Variants in ZNF385D observed in about 807,000 individuals in gnomAD.
ZNF385D encodes zinc finger protein 385D, also known as zinc finger protein 659.
ZNF385D carries 15 observed loss-of-function variants against 35.8 expected under a neutral mutation model. The observed-to-expected ratio is 0.42, with a 90% CI of 0.28 to 0.64. The LOEUF (loss-of-function observed/expected upper bound fraction) is 0.64, where lower values mean the gene tolerates loss of function less well. Ranked by LOEUF, ZNF385D falls within the 30% of genes least tolerant of loss-of-function variation. The probability of loss-of-function intolerance (pLI) is 0.23; values close to 1 mark genes in which losing one functional copy is unlikely to be tolerated. For synonymous variants in ZNF385D, 212 were observed against 186.8 expected, an observed-to-expected ratio of 1.13 and a Z score of -1.10; for missense variants, 474 against 494.6, an observed-to-expected ratio of 0.96 and a Z score of 0.39.
intron 2 of ZNF385D, among the ~76,000 whole-genome samples, chr3:21,616,408 T>G (rs2064847855): frequency 6.6e-6 from 1 of 152,206 alleles, no homozygotes; most frequent in Admixed American, 6.5e-5. Context: ...TCTCCACTGA[T>G]GCTAAAGATA....
chr3:22,204,096 T>A lies in ZNF385D; in HGVS notation c.107-35061A>T, dbSNP rs1052989347. Among the ~76,000 whole-genome samples the A allele has an allele frequency of 8.5e-5, 13 of 152,192 alleles. 1 individual carries two copies. Among genetic ancestry groups the A allele is most frequent in the South Asian group, 4.1e-4 (2 of 4,820 alleles). On this transcript the variant is annotated intron_variant, in intron 2 of 5. Transcript: ENST00000494108. Reference sequence around the variant, plus strand: ...ATCCCAATGGTGGTGGCCACAGGGTTGCTTCTTACACGACTTCCCCAGCTC... The same window carrying A: ...ATCCCAATGGTGGTGGCCACAGGGTAGCTTCTTACACGACTTCCCCAGCTC...
At chr3:22,184,313 T>C (rs1298073643) in intron 2 of ZNF385D, among the ~76,000 whole-genome samples, 2 of 152,180 alleles carry the variant, frequency 1.3e-5, no homozygotes, top group East Asian at 1.9e-4. Context: ...CAGGGCAACA[T>C]GGTGTTTTGT....
At chr3:21,972,583 G>A (rs907904115) in intron 3 of ZNF385D, among the ~76,000 whole-genome samples, 12 of 151,652 alleles carry the variant, frequency 7.9e-5, no homozygotes, top group Middle Eastern at 3.4e-3. Flanking sequence ...AATGAACTTC[G>A]GAGCAGAAAT....
chr3:21,762,767 T>A (rs1031104011), intron 3 of ZNF385D, among the ~76,000 whole-genome samples: 4 of 152,184 alleles, frequency 2.6e-5, no homozygotes, highest in African/African-American at 9.7e-5. Flanking sequence ...TGTCAAGGTT[T>A]TGGCCCTTGG....
chr3:21,849,926 T>C (rs1269771595), intron 3 of ZNF385D, among the ~76,000 whole-genome samples: 1 of 151,966 alleles, frequency 6.6e-6, no homozygotes, highest in African/African-American at 2.4e-5. Flanking sequence ...AATTGTTTTG[T>C]AGGGATAGGG....
Position 21,982,276 on chromosome 3 carries a change from T to C in ZNF385D, c.325+186541A>G, listed in dbSNP as rs373686201. Among the ~76,000 whole-genome samples, 252 of 152,152 alleles carry C rather than the reference T, an allele frequency of 1.7e-3. 7 individuals are homozygous for C. The South Asian group carries it at 0.052, about 31-fold the overall frequency. ...GAGCAATGTTTTGTAATTCCCATGG[T>C]AGAGATCTTGCACCTCCCTGGTTAG... is the stretch of plus-strand genomic sequence containing the variant. On this transcript the variant is annotated intron_variant, in intron 3 of 5. Transcript: ENST00000494108.
In ZNF385D at chr3:21,510,874, G is replaced by T. The variant is rs779281130; in HGVS notation, c.426C>A (p.Ser142Arg). 135 of 1,613,958 alleles carry T rather than the reference G, an allele frequency of 8.4e-5. No homozygotes were observed. Among genetic ancestry groups the T allele is most frequent in the Non-Finnish European group, 1.1e-4 (129 of 1,179,956 alleles). Residue 142 changes from serine (S) to arginine (R), a missense_variant, in exon 4 of 8, where the codon AGC becomes AGA. By Grantham distance (110) the Ser-to-Arg change is moderately radical. Transcript: ENST00000281523. Reference protein sequence around the residue: ...TSITTNTINTSSDKTDGTAGT... With the variant: ...TSITTNTINTRSDKTDGTAGT... ...TCATTGCTTAACCTGTTTTGTCAGAGCTGGTATTGATGGTATTGGTAGTGA... is the reference window on the plus strand; with the variant it reads ...TCATTGCTTAACCTGTTTTGTCAGATCTGGTATTGATGGTATTGGTAGTGA...
chr3:21,977,549 T>C (rs1310007753), intron 3 of ZNF385D, among the ~76,000 whole-genome samples: 1 of 152,106 alleles, frequency 6.6e-6, no homozygotes, highest in Non-Finnish European at 1.5e-5. Context: ...CCTGGTGTGG[T>C]GGCTGATGAC....
intron 3 of ZNF385D, among the ~76,000 whole-genome samples, chr3:22,096,607 C>G (rs374542779): frequency 4.6e-5 from 7 of 152,046 alleles, no homozygotes; most frequent in African/African-American, 1.7e-4. Context: ...TTTTCTGACC[C>G]CTTAGGGTTA....
At chr3:22,327,650 G>A (rs1694739951) in intron 2 of ZNF385D, among the ~76,000 whole-genome samples, 2 of 152,158 alleles carry the variant, frequency 1.3e-5, no homozygotes, top group African/African-American at 4.8e-5. Context: ...AGAGTAGGTG[G>A]TGCTATGTTT....
chr3:22,100,296 C>G (rs28482972), intron 3 of ZNF385D, among the ~76,000 whole-genome samples: 30,063 of 141,438 alleles, frequency 0.21, 3,382 homozygotes, highest in Non-Finnish European at 0.27. Flanking sequence ...GGATCTAGAA[C>G]TAGAAATACC....
chr3:21,734,368 C>G (rs28485157), intron 1 of ZNF385D, among the ~76,000 whole-genome samples: 1 of 147,422 alleles, frequency 6.8e-6, no homozygotes, highest in Non-Finnish European at 1.5e-5. Flanking sequence ...TTTTGTTTTT[C>G]TTTTTTAAAA....
At chr3:21,641,965 A>T (rs958524973) in intron 2 of ZNF385D, among the ~76,000 whole-genome samples, 1 of 152,166 alleles carries the variant, frequency 6.6e-6, no homozygotes, top group Non-Finnish European at 1.5e-5. Context: ...AAGGCAAGGC[A>T]TGTCCAACAT....
At chr3:22,174,981 G>T (rs904734000) in intron 2 of ZNF385D, among the ~76,000 whole-genome samples, 4 of 151,876 alleles carry the variant, frequency 2.6e-5, no homozygotes, top group African/African-American at 9.7e-5. Context: ...CTGAAAAGAA[G>T]AATCCACCAA....
chr3:21,798,304 T>A lies in ZNF385D; in HGVS notation c.326-133276A>T, dbSNP rs758078054. Reference sequence around the variant, plus strand: ...CTGAAATCAAGATGTCAGCTAGAACTGCTCTCTCCTGGAGGCTCAGGACCC... The same window carrying A: ...CTGAAATCAAGATGTCAGCTAGAACAGCTCTCTCCTGGAGGCTCAGGACCC... On this transcript the variant is annotated intron_variant, in intron 3 of 5. Transcript: ENST00000494108. Among the ~76,000 whole-genome samples the A allele has an allele frequency of 2.0e-5, 3 of 152,344 alleles. 1 individual carries two copies. The South Asian group carries it at 6.2e-4, about 32-fold the overall frequency.
intron 3 of ZNF385D, among the ~76,000 whole-genome samples, chr3:21,848,505 G>GA (rs1234915634): frequency 9.9e-5 from 15 of 151,036 alleles, no homozygotes; most frequent in African/African-American, 3.6e-4. Context: ...CCTAAAATAA[G>GA]AAAAAAAGAG....
Position 22,214,105 on chromosome 3 carries a change from G to A in ZNF385D, c.107-45070C>T, listed in dbSNP as rs147319440. On this transcript the variant is annotated intron_variant, in intron 2 of 5. Coordinates refer to the ZNF385D transcript ENST00000494108. ...GGGACTGGCTGAAGCCATGGCAGAA[G>A]AACATGGATTGTGAAGATTTCATGG... 2.0e-4 allele frequency among the ~76,000 whole-genome samples: 31 copies of A among 152,162 alleles called. No homozygotes were observed. The East Asian group carries it at 5.8e-3, about 29-fold the overall frequency.
chr3:21,651,538 T>C (rs889347862), intron 2 of ZNF385D, among the ~76,000 whole-genome samples: 1 of 151,988 alleles, frequency 6.6e-6, no homozygotes, highest in African/African-American at 2.4e-5. Flanking sequence ...TCTTTTTTTT[T>C]TTCTTTTTGG....
rs372043234 is a variant in ZNF385D at position 21,664,986 on chromosome 3, G to A, written c.65C>T (p.Pro22Leu). 6.2e-7 allele frequency: 1 copy of A among 1,613,420 alleles called. No individual in the cohort carries two copies. The highest frequency in any genetic ancestry group is 1.1e-5 in the South Asian group (1 of 91,032). ...QSPALPALVR[P>L]PAPPLQPSLD... is the part of the protein sequence containing the mutation. The stretch of plus-strand genomic sequence containing the variant: ...CGATGGTTGCAAAGGAGGGGCTGGT[G>A]GACGGACAAGGGCCGGGAGAGCAGG... Residue 22 changes from proline (P) to leucine (L), a missense_variant, in exon 2 of 8, where the codon CCA becomes CTA. Transcript: ENST00000281523.
Sources: gnomAD v4.1 joint callset for allele counts (sites outside exome capture counted in the v4.1 genomes callset) on GRCh38, gnomAD v4.1.1 for gene constraint, MANE v1.5 for transcripts, NCBI Gene and HGNC (gene_info 2026-07-23, HGNC 2026-07-21) for gene names.